RNF32: variants seen among roughly 807,000 people sequenced by gnomAD.
RNF32 encodes the protein ring finger protein 32.
In RNF32, 36 loss-of-function variants were observed where a neutral mutation model predicts 41.0. The ratio of observed to expected loss-of-function variants is 0.88; its 90% CI spans 0.67 to 1.16. The LOEUF (loss-of-function observed/expected upper bound fraction) is 1.16. Ranked by LOEUF, RNF32 falls within the 50% of genes most tolerant of loss-of-function variation. The pLI, the probability that RNF32 is intolerant of heterozygous loss-of-function variation, is 0.00. For missense variants in RNF32, 413 were observed against 436.7 expected, an observed-to-expected ratio of 0.95 and a Z score of 0.48; for synonymous variants, 154 against 160.9, an observed-to-expected ratio of 0.96 and a Z score of 0.32.
Position 156,676,825 on chromosome 7 carries a change from T to C in RNF32, c.*170T>C. 1 of 592,012 alleles carries C rather than the reference T, an allele frequency of 1.7e-6. No individual in the cohort carries two copies. The highest frequency in any genetic ancestry group is 3.0e-6 in the Non-Finnish European group (1 of 336,644). 36.7% of individuals were successfully genotyped at this position (592,012 alleles called of 1,614,324 possible). A position where few individuals can be genotyped will look rare whatever the true frequency, so the allele number is the denominator to read the frequency against. ...ATATTTTAAAAGCTGACATCCCACC[T>C]AATTTTAATCTTTGGTCTCTAAAAA... On this transcript the variant is annotated 3_prime_UTR_variant, in exon 9 of 9. Coordinates refer to ENST00000317955, the MANE Select transcript of RNF32 (RefSeq NM_030936.4).
rs572197032 is a variant in RNF32, at chr7:156,659,528, A to G, written c.684+958A>G. On this transcript the variant is annotated intron_variant, in intron 7 of 8. Coordinates refer to ENST00000317955, the MANE Select transcript of RNF32 (RefSeq NM_030936.4). ...TCTGGGCTACTCTTAGTAATTTCTA[A>G]TATGTCATAGTAGGTTGTCTCTTAA... 8.7e-5 allele frequency: 86 copies of G among 984,644 alleles called. No homozygotes were observed. The Middle Eastern group carries it at 3.1e-3, about 36-fold the overall frequency. 61.0% of individuals were successfully genotyped at this position (984,644 alleles called of 1,614,324 possible).
intron 4 of RNF32, 194 bp from the exon 5 acceptor site, chr7:156,657,347 T>C (rs922913505): frequency 5.1e-6 from 3 of 584,658 alleles, no homozygotes; most frequent in Non-Finnish European, 9.2e-6. Flanking sequence ...TTTCAGATCA[T>C]GAATTTTTGT....
intron 7 of RNF32, among the ~76,000 whole-genome samples, chr7:156,664,184 G>A (rs947243909): frequency 2.0e-5 from 3 of 152,232 alleles, no homozygotes; most frequent in Admixed American, 6.5e-5. Flanking sequence ...TGCAAGGGCC[G>A]GGCGCGGTGG....
intron 7 of RNF32, among the ~76,000 whole-genome samples, chr7:156,660,554 G>A (rs1016476322): frequency 6.6e-5 from 10 of 152,100 alleles, no homozygotes; most frequent in African/African-American, 2.4e-4. Context: ...TCGTTATATT[G>A]CCCAGGCTGG....
chr7:156,652,586 T>C (rs1798891952), intron 3 of RNF32, among the ~76,000 whole-genome samples: 1 of 152,150 alleles, frequency 6.6e-6, no homozygotes, highest in African/African-American at 2.4e-5. Flanking sequence ...CATAAAATTA[T>C]AATGGAGTTG....
chr7:156,645,328 G>A (rs1797843884), intron 3 of RNF32, among the ~76,000 whole-genome samples: 1 of 152,172 alleles, frequency 6.6e-6, no homozygotes, highest in Admixed American at 6.5e-5. Flanking sequence ...GTAACGCACG[G>A]GCCAGCATCA....
At chr7:156,648,675 A>AATATTCCAC (rs1283432367) in intron 3 of RNF32, among the ~76,000 whole-genome samples, 2 of 152,214 alleles carry the variant, frequency 1.3e-5, no homozygotes, top group African/African-American at 4.8e-5. Flanking sequence ...GTCTATACAT[A>AATATTCCAC]ATATTCCACT....
intron 7 of RNF32, 78 bp downstream of exon 7, chr7:156,658,648 G>A: frequency 4.2e-6 from 4 of 950,962 alleles, no homozygotes; most frequent in Non-Finnish European, 6.6e-6. Flanking sequence ...GCTAACAGAG[G>A]TGGTAAAACT....
chr7:156,640,677 G>C, upstream of RNF32: 1 of 326,024 alleles, frequency 3.1e-6, no homozygotes, highest in Non-Finnish European at 5.8e-6. Flanking sequence ...GCGGGGCGGG[G>C]CAGGGCTGGT....
At chr7:156,658,097 G>C in intron 5 of RNF32, 31 bp from the exon 6 acceptor site, 1 of 1,600,534 alleles carries the variant, frequency 6.2e-7, no homozygotes, top group Non-Finnish European at 8.5e-7. Flanking sequence ...GTAATTACTT[G>C]TAAAATTTTA....
chr7:156,655,778 T>C (rs1186236948), intron 4 of RNF32, among the ~76,000 whole-genome samples: 1 of 151,930 alleles, frequency 6.6e-6, no homozygotes, highest in East Asian at 2.0e-4. Context: ...ACAAATTGTC[T>C]AGGATAATTT....
chr7:156,656,264 G>A (rs530032462), intron 4 of RNF32, among the ~76,000 whole-genome samples: 3 of 152,290 alleles, frequency 2.0e-5, no homozygotes, highest in East Asian at 3.9e-4. Context: ...GCCATTTTTA[G>A]TGTGTTTTCC....
chr7:156,664,025 GAACA>G (rs1204700696), intron 7 of RNF32, among the ~76,000 whole-genome samples: 7 of 152,228 alleles, frequency 4.6e-5, no homozygotes, highest in Admixed American at 4.6e-4. Context: ...GATAACGAGG[GAACA>G]GACAAAACAC....
intron 3 of RNF32, among the ~76,000 whole-genome samples, chr7:156,650,486 C>T (rs1798573444): frequency 6.6e-6 from 1 of 152,182 alleles, no homozygotes. Context: ...GCTGGACGTG[C>T]TATTGATTTT....
rs1202856356 is a variant in RNF32, at chr7:156,654,657, T to G, written c.356T>G (p.Leu119Arg). The change falls in exon 4 of 9, where the codon CTG becomes CGG. Residue 119 changes from leucine to arginine, a missense_variant. Leu to Arg is a moderately radical substitution (Grantham distance 102). Coordinates refer to ENST00000317955, the MANE Select transcript of RNF32 (RefSeq NM_030936.4). ...EWEKVKQRSLLQGDSVQPCPI... is the reference protein window; with the variant it reads ...EWEKVKQRSLRQGDSVQPCPI... ...GAGAAGGTGAAACAGCGCTCTCTCC[T>G]GCAAGGGGACTCCGTGCAACCATGC... 1.2e-6 allele frequency: 2 copies of G among 1,614,030 alleles called. No homozygotes were observed. Among genetic ancestry groups the G allele is most frequent in the Non-Finnish European group, 1.7e-6 (2 of 1,180,004 alleles).
At chr7:156,644,826 A>G in intron 3 of RNF32, 69 bp downstream of exon 3, 1 of 1,443,470 alleles carries the variant, frequency 6.9e-7, no homozygotes, top group Non-Finnish European at 9.5e-7. Flanking sequence ...TTAATAGTAT[A>G]ATTTTTTATG....
intron 5 of RNF32, 86 bp downstream of exon 5, chr7:156,657,659 A>G: frequency 7.8e-7 from 1 of 1,278,036 alleles, no homozygotes; most frequent in Non-Finnish European, 1.1e-6. Context: ...AAGGCTCCTA[A>G]GGAGAGCCAT....
intron 7 of RNF32, among the ~76,000 whole-genome samples, chr7:156,671,173 G>A (rs991129560): frequency 5.9e-5 from 9 of 152,180 alleles, no homozygotes; most frequent in Non-Finnish European, 1.2e-4. Context: ...ATTGAAAAGA[G>A]CAAAAATTAA....
chr7:156,646,950 C>G (rs1798034651), intron 3 of RNF32, among the ~76,000 whole-genome samples: 2 of 152,188 alleles, frequency 1.3e-5, no homozygotes, highest in Admixed American at 1.3e-4. Context: ...CTTCCGGGTT[C>G]AAGTGATTCT....
Sources: allele counts gnomAD v4.1 joint callset (sites outside exome capture counted in the v4.1 genomes callset), GRCh38; gene constraint gnomAD v4.1.1; transcripts MANE v1.5; gene names NCBI Gene and HGNC (gene_info 2026-07-23, HGNC 2026-07-21).